Variants in DCDC2 observed in about 807,000 individuals in gnomAD.
DCDC2 encodes doublecortin domain containing 2.
DCDC2 carries 40 observed loss-of-function variants against 50.2 expected under a neutral mutation model. The ratio of observed to expected loss-of-function variants is 0.80; its 90% confidence interval spans 0.62 to 1.04. The LOEUF (loss-of-function observed/expected upper bound fraction) is 1.04. DCDC2 is among the 50% of genes least tolerant of loss of function. DCDC2 has a pLI of 0.00. For missense variants in DCDC2, 570 were observed against 581.9 expected (o/e 0.98, Z 0.21); for synonymous variants, 234 against 210.6 (o/e 1.11, Z -0.96).
chr6:24,307,386 G>A (rs1759492407), intron 2 of DCDC2, among the ~76,000 whole-genome samples: 1 of 152,146 alleles, frequency 6.6e-6, no homozygotes, highest in Admixed American at 6.5e-5. Context: ...ATACATATCA[G>A]ATTTTTGTGA....
the DCDC2 span, among the ~76,000 whole-genome samples, chr6:24,367,429 A>AT: frequency 6.6e-6 from 1 of 152,258 alleles, no homozygotes; most frequent in African/African-American, 2.4e-5. Context: ...TGAATAAGAA[A>AT]TTAGCCCTCT....
chr6:24,312,478 A>G (rs1170802363), intron 2 of DCDC2, among the ~76,000 whole-genome samples: 8 of 152,140 alleles, frequency 5.3e-5, no homozygotes, highest in African/African-American at 1.9e-4. Context: ...TTTAAATTCC[A>G]ATTGCACTAA....
intron 4 of DCDC2, among the ~76,000 whole-genome samples, chr6:24,297,615 G>C (rs1033575961): frequency 6.6e-6 from 1 of 152,044 alleles, no homozygotes; most frequent in African/African-American, 2.4e-5. Flanking sequence ...ATCTGGCTGT[G>C]AAATTACCTG....
At chr6:24,362,993 C>T (rs1760694622), upstream of DCDC2, among the ~76,000 whole-genome samples, 1 of 152,066 alleles carries the variant, frequency 6.6e-6, no homozygotes, top group African/African-American at 2.4e-5. Context: ...TTAGATAAAC[C>T]CTGATCACGA....
intron 7 of DCDC2, among the ~76,000 whole-genome samples, chr6:24,219,814 G>C (rs1762059663): frequency 6.6e-6 from 1 of 152,218 alleles, no homozygotes. Context: ...CAATATGTGT[G>C]TGTTTGTGGT....
intron 7 of DCDC2, among the ~76,000 whole-genome samples, chr6:24,268,003 C>G (rs1027891287): frequency 1.3e-5 from 2 of 152,152 alleles, no homozygotes; most frequent in African/African-American, 4.8e-5. Flanking sequence ...AAGTTGTGCT[C>G]TAAAGAACAA....
At chr6:24,261,271 G>A (rs969595188) in intron 7 of DCDC2, among the ~76,000 whole-genome samples, 1 of 144,626 alleles carries the variant, frequency 6.9e-6, no homozygotes, top group Non-Finnish European at 1.5e-5. Context: ...GATCTGAGAT[G>A]TCAGTGCTTT....
chr6:24,235,769 C>T (rs141724881), intron 7 of DCDC2, among the ~76,000 whole-genome samples: 2 of 152,296 alleles, frequency 1.3e-5, no homozygotes, highest in East Asian at 1.9e-4. Flanking sequence ...CTCACCTCTA[C>T]AAAAGCACTG....
At chr6:24,244,461 C>T (rs538575866) in intron 7 of DCDC2, among the ~76,000 whole-genome samples, 17 of 152,348 alleles carry the variant, frequency 1.1e-4, no homozygotes, top group African/African-American at 4.1e-4. Context: ...GAAGCTCACA[C>T]AGCTGCCTCT....
At chr6:24,367,932 A>G in the DCDC2 span, among the ~76,000 whole-genome samples, 1 of 152,184 alleles carries the variant, frequency 6.6e-6, no homozygotes, top group Non-Finnish European at 1.5e-5. Flanking sequence ...AAGTATAAGA[A>G]CAAAAGACTT....
chr6:24,370,794 T>C, the DCDC2 span, among the ~76,000 whole-genome samples: 7 of 152,328 alleles, frequency 4.6e-5, no homozygotes, highest in African/African-American at 1.7e-4. Context: ...ATGTTATACA[T>C]GAATGTTCAT....
intron 4 of DCDC2, among the ~76,000 whole-genome samples, chr6:24,296,357 G>A (rs549801414): frequency 2.0e-5 from 3 of 151,964 alleles, no homozygotes; most frequent in Admixed American, 6.6e-5. Flanking sequence ...AACATAAAAC[G>A]CAAAACTATA....
At chr6:24,375,077 T>C in the DCDC2 span, among the ~76,000 whole-genome samples, 4 of 152,118 alleles carry the variant, frequency 2.6e-5, no homozygotes, top group African/African-American at 9.7e-5. Flanking sequence ...AAGGCCCCAC[T>C]CTTCATCTGC....
At chr6:24,335,925 G>C (rs1305044635) in intron 2 of DCDC2, among the ~76,000 whole-genome samples, 2 of 152,120 alleles carry the variant, frequency 1.3e-5, no homozygotes, top group Non-Finnish European at 2.9e-5. Flanking sequence ...AACGAGATTT[G>C]GGTGGGGACA....
intron 8 of DCDC2, among the ~76,000 whole-genome samples, chr6:24,184,801 T>C (rs1370156283): frequency 6.6e-6 from 1 of 152,154 alleles, no homozygotes; most frequent in Admixed American, 6.5e-5. Flanking sequence ...TATACATCAC[T>C]CTCCTAGAAA....
chr6:24,292,564 CTA>C (rs763933190), intron 4 of DCDC2, among the ~76,000 whole-genome samples: 1 of 152,234 alleles, frequency 6.6e-6, no homozygotes, highest in Non-Finnish European at 1.5e-5. Context: ...ACCCAGAATT[CTA>C]TGTTTTTTGC....
chr6:24,260,393 T>C (rs997778250), intron 7 of DCDC2, among the ~76,000 whole-genome samples: 3 of 152,236 alleles, frequency 2.0e-5, no homozygotes, highest in African/African-American at 7.2e-5. Flanking sequence ...TTTGGCACTT[T>C]CTACTTTACA....
chr6:24,224,423 A>T (rs1158696615), intron 7 of DCDC2, among the ~76,000 whole-genome samples: 2 of 152,230 alleles, frequency 1.3e-5, no homozygotes, highest in African/African-American at 4.8e-5. Flanking sequence ...TGGTGCACAG[A>T]GGACAGAGCT....
chr6:24,189,666 A>G (rs1334499338), intron 8 of DCDC2, among the ~76,000 whole-genome samples: 1 of 152,190 alleles, frequency 6.6e-6, no homozygotes, highest in Non-Finnish European at 1.5e-5. Context: ...TTTTTAGTGA[A>G]GATATCCTGT....
Sources: allele counts gnomAD v4.1 joint callset (sites outside exome capture counted in the v4.1 genomes callset), GRCh38; gene constraint gnomAD v4.1.1; transcripts MANE v1.5; gene names NCBI Gene and HGNC (gene_info 2026-07-23, HGNC 2026-07-21).